The following DISC1 variants were observed in gnomAD, a reference collection of about 807,000 sequenced individuals.
The protein encoded by DISC1 is disrupted in schizophrenia 1 protein.
A neutral mutation model predicts 84.5 loss-of-function variants in DISC1; 57 were observed. The observed-to-expected ratio is 0.67, with a 90% CI of 0.55 to 0.84. DISC1 has a LOEUF of 0.84. Ranked by LOEUF, DISC1 falls within the 40% of genes least tolerant of loss-of-function variation. The probability of loss-of-function intolerance (pLI) is 0.00; values close to 1 mark genes in which losing one functional copy is unlikely to be tolerated. For missense variants in DISC1, 1,000 were observed against 1,057.8 expected (o/e 0.95, Z 0.76); for synonymous variants, 411 against 415.2 (o/e 0.99, Z 0.12).
At chr1:231,829,157 G>C (rs1311409464) in intron 9 of DISC1, among the ~76,000 whole-genome samples, 1 of 152,096 alleles carries the variant, frequency 6.6e-6, no homozygotes, top group Non-Finnish European at 1.5e-5. Context: ...TGGGATTAAT[G>C]ACCCAAAGAA....
intron 3 of DISC1, among the ~76,000 whole-genome samples, chr1:231,739,084 G>T (rs2072906507): frequency 6.6e-6 from 1 of 152,182 alleles, no homozygotes; most frequent in African/African-American, 2.4e-5. Context: ...GGCTACTGAG[G>T]TGTCATTACT....
chr1:231,835,464 T>C (rs1331941441), intron 9 of DISC1, among the ~76,000 whole-genome samples: 2 of 152,052 alleles, frequency 1.3e-5, no homozygotes, highest in African/African-American at 4.8e-5. Flanking sequence ...TAGGGGAGCT[T>C]TTGAGCCAGG....
In DISC1 at chr1:231,959,565, A is replaced by G. The variant is rs549326419; in HGVS notation, c.2042+677A>G. On this transcript the variant is annotated intron_variant, in intron 10 of 12. Transcript: ENST00000439617. ...TTTTGCTATTATTTTGGAATTTGTT[A>G]AGTAACTCTTTAGATAGGCTATGCC... The G allele has an allele frequency of 5.4e-5, 50 of 923,470 alleles. No individual in the cohort carries two copies. In the Admixed American group the frequency reaches 6.8e-4, roughly 13 times the overall value. The allele number at this position is 923,470 out of a possible 1,614,324, so 57.2% of individuals were successfully genotyped here. A position where few individuals can be genotyped will look rare whatever the true frequency, so the allele number is the denominator to read the frequency against.
intron 12 of DISC1, among the ~76,000 whole-genome samples, chr1:232,026,762 CT>C (rs545455868): frequency 0.019 from 2,092 of 110,840 alleles, 11 homozygotes; most frequent in East Asian, 0.062. Flanking sequence ...TTTCTTTTTT[CT>C]TTTTTTTTTT....
At chr1:231,983,991 A>T (rs1160574557) in intron 10 of DISC1, among the ~76,000 whole-genome samples, 1 of 152,226 alleles carries the variant, frequency 6.6e-6, no homozygotes, top group Non-Finnish European at 1.5e-5. Context: ...ACTGAGGCTG[A>T]GGGAGGTTAA....
At chr1:232,034,018 T>C (rs892489510) in intron 12 of DISC1, among the ~76,000 whole-genome samples, 1 of 152,188 alleles carries the variant, frequency 6.6e-6, no homozygotes, top group Admixed American at 6.5e-5. Context: ...GCATTTTTTT[T>C]TCTGGGGACT....
chr1:231,740,497 T>A (rs12028200), intron 3 of DISC1, among the ~76,000 whole-genome samples: 41,087 of 152,020 alleles, frequency 0.27, 6,179 homozygotes, highest in East Asian at 0.44. Context: ...AGAGACAGGG[T>A]GGCTGAGCGA....
At chr1:231,987,934 A>G (rs1051572459) in intron 10 of DISC1, among the ~76,000 whole-genome samples, 2 of 152,202 alleles carry the variant, frequency 1.3e-5, no homozygotes, top group African/African-American at 2.4e-5. Context: ...TACACCTGTA[A>G]TCCCAGCACT....
chr1:231,834,526 C>T (rs982390785), intron 9 of DISC1, among the ~76,000 whole-genome samples: 3 of 152,128 alleles, frequency 2.0e-5, no homozygotes, highest in African/African-American at 4.8e-5. Flanking sequence ...AAAAATTGAA[C>T]GTGCCGTTTT....
At chr1:232,025,775 C>T (rs546326378) in intron 11 of DISC1, among the ~76,000 whole-genome samples, 16 of 151,924 alleles carry the variant, frequency 1.1e-4, no homozygotes, top group South Asian at 2.1e-4. Context: ...TTTTTGTATT[C>T]TTAGTAAAGA....
At chr1:231,696,472 C>G (rs1419130928) in intron 2 of DISC1, among the ~76,000 whole-genome samples, 1 of 152,196 alleles carries the variant, frequency 6.6e-6, no homozygotes, top group Non-Finnish European at 1.5e-5. Flanking sequence ...CCTATCTTAT[C>G]TCAAATGGTA....
chr1:231,924,352 C>T (rs368811379), intron 9 of DISC1, among the ~76,000 whole-genome samples: 1 of 152,228 alleles, frequency 6.6e-6, no homozygotes, highest in African/African-American at 2.4e-5. Context: ...ATGTTGGAAC[C>T]GGAAGTGGAA....
chr1:231,679,805 T>C (rs1031683598), intron 1 of DISC1, among the ~76,000 whole-genome samples: 9 of 152,232 alleles, frequency 5.9e-5, no homozygotes, highest in Admixed American at 4.6e-4. Flanking sequence ...TTAAACAGCC[T>C]CTTTATTTGT....
chr1:232,030,058 T>A (rs1572694173), intron 12 of DISC1, among the ~76,000 whole-genome samples: 2 of 152,100 alleles, frequency 1.3e-5, no homozygotes, highest in Non-Finnish European at 2.9e-5. Flanking sequence ...TGGCAGCGAG[T>A]GTCTGAAAAC....
intron 9 of DISC1, among the ~76,000 whole-genome samples, chr1:231,843,899 A>AG (rs2083262474): frequency 6.6e-6 from 1 of 152,206 alleles, no homozygotes; most frequent in African/African-American, 2.4e-5. Context: ...GACTGACGGC[A>AG]GGGCTTTGGC....
chr1:231,645,072 C>T (rs2060012978), intron 1 of DISC1, among the ~76,000 whole-genome samples: 1 of 152,148 alleles, frequency 6.6e-6, no homozygotes, highest in Non-Finnish European at 1.5e-5. Context: ...TCTGGATCCA[C>T]ATTTCTGCTC....
chr1:231,720,809 G>A, intron 3 of DISC1: 7 of 1,280,334 alleles, frequency 5.5e-6, no homozygotes, highest in Non-Finnish European at 7.1e-6. Context: ...AAGTGGTTCT[G>A]AGCAGCAGGT....
In DISC1 at chr1:231,655,307, A is replaced by G. The variant is rs374254063; in HGVS notation, c.67+28373A>G. 7.2e-5 allele frequency among the ~76,000 whole-genome samples: 11 copies of G among 152,088 alleles called. No homozygotes were observed. The East Asian group carries it at 7.7e-4, about 11-fold the overall frequency. ...TATATCACTTTGTGTGCCTTTGTGT[A>G]TCCATAGCTTAGCTCCCATTTACCA... On this transcript the variant is annotated intron_variant, in intron 1 of 12. Transcript: ENST00000439617.
intron 8 of DISC1, among the ~76,000 whole-genome samples, chr1:231,808,234 TG>T (rs1308486747): frequency 1.3e-5 from 2 of 152,176 alleles, no homozygotes; most frequent in Non-Finnish European, 2.9e-5. Flanking sequence ...AGTTTCCAGG[TG>T]GTTTTAATGT....
Sources: allele counts gnomAD v4.1 joint callset (sites outside exome capture counted in the v4.1 genomes callset), GRCh38; gene constraint gnomAD v4.1.1; transcripts MANE v1.5; gene names NCBI Gene and HGNC (gene_info 2026-07-23, HGNC 2026-07-21).